Variants in GMPS observed in about 807,000 individuals in gnomAD.
GMPS encodes the protein guanosine monophosphate synthase.
Under a neutral mutation model 77.9 loss-of-function variants are expected in GMPS, and 15 were observed. That is an observed-to-expected ratio of 0.19 (90% CI 0.13 to 0.30). The LOEUF (loss-of-function observed/expected upper bound fraction) is 0.30, where lower values mean the gene tolerates loss of function less well. Among genes scored for constraint, GMPS ranks in the 10% least tolerant of loss-of-function variants. The probability of loss-of-function intolerance (pLI) is 1.00; values close to 1 mark genes in which losing one functional copy is unlikely to be tolerated. For missense variants in GMPS, 590 were observed against 838.8 expected, an observed-to-expected ratio of 0.70 and a Z score of 3.66; for synonymous variants, 224 against 275.9, an observed-to-expected ratio of 0.81 and a Z score of 1.86.
At chr3:155,925,486 C>G in intron 12 of GMPS, 120 bp downstream of exon 12, 1 of 618,264 alleles carries the variant, frequency 1.6e-6, no homozygotes, top group South Asian at 2.7e-5. Flanking sequence ...CTCATTGCAA[C>G]CTCCGCCTCC....
chr3:155,925,572 A>G (rs901804142), intron 12 of GMPS, among the ~76,000 whole-genome samples: 1 of 152,192 alleles, frequency 6.6e-6, no homozygotes, highest in African/African-American at 2.4e-5. Context: ...TATATATACC[A>G]AGTTTAGAGA....
At chr3:155,932,385 G>GA (rs566932908) in intron 13 of GMPS, among the ~76,000 whole-genome samples, 1 of 150,386 alleles carries the variant, frequency 6.6e-6, no homozygotes, top group African/African-American at 2.5e-5. Context: ...TAACCCCAAG[G>GA]AAAAAAATCA....
At chr3:155,902,844 A>G (rs1754764369) in intron 3 of GMPS, among the ~76,000 whole-genome samples, 1 of 152,328 alleles carries the variant, frequency 6.6e-6, no homozygotes, top group African/African-American at 2.4e-5. Flanking sequence ...TGTGCTACAG[A>G]AGAGAGTTTT....
intron 1 of GMPS, among the ~76,000 whole-genome samples, chr3:155,887,380 A>G (rs906545724): frequency 6.6e-6 from 1 of 152,194 alleles, no homozygotes; most frequent in African/African-American, 2.4e-5. Flanking sequence ...TCATATCAAG[A>G]GGAGGCATGA....
In GMPS at chr3:155,889,740, G is replaced by C. The variant is rs181056892; in HGVS notation, c.28-3778G>C. 5.5e-3 allele frequency among the ~76,000 whole-genome samples: 840 copies of C among 152,232 alleles called. 2 individuals are homozygous for C. The highest frequency in any genetic ancestry group is 0.015 in the South Asian group (71 of 4,822). On this transcript the variant is annotated intron_variant, in intron 1 of 15. Transcript: ENST00000496455. Reference sequence around the variant, plus strand: ...TAGATCTTCTTACCCTATTCTTAAAGAGTTTGCTGTATATGGTTTAATTTT... The same window carrying C: ...TAGATCTTCTTACCCTATTCTTAAACAGTTTGCTGTATATGGTTTAATTTT...
chr3:155,906,028 G>C (rs1282521815), intron 4 of GMPS, 132 bp from the exon 5 acceptor site: 1 of 492,722 alleles, frequency 2.0e-6, no homozygotes, highest in African/African-American at 2.0e-5. Context: ...AATTCTAGCA[G>C]TATTCCATTG....
intron 12 of GMPS, among the ~76,000 whole-genome samples, chr3:155,926,585 A>C (rs1270991123): frequency 6.6e-6 from 1 of 151,462 alleles, no homozygotes; most frequent in Non-Finnish European, 1.5e-5. Context: ...ATAATAAAAA[A>C]ATAAAAAATA....
intron 1 of GMPS, among the ~76,000 whole-genome samples, chr3:155,878,701 A>G (rs185194670): frequency 3.0e-4 from 45 of 152,286 alleles, no homozygotes; most frequent in African/African-American, 1.0e-3. Flanking sequence ...ATATAGAGAG[A>G]TATATGAGAG....
intron 3 of GMPS, among the ~76,000 whole-genome samples, chr3:155,899,975 G>A (rs746887823): frequency 6.6e-6 from 1 of 152,090 alleles, no homozygotes; most frequent in African/African-American, 2.4e-5. Context: ...AGGTATCACA[G>A]TTCATTCACT....
chr3:155,899,416 A>G (rs7652005), intron 3 of GMPS, among the ~76,000 whole-genome samples: 58,441 of 147,528 alleles, frequency 0.4, 13,941 homozygotes, highest in Non-Finnish European at 0.52. Context: ...ATCTTGAGAT[A>G]AGATACTCTT....
At chr3:155,879,730 C>CTTTTTTTTTTT (rs58045835) in intron 1 of GMPS, among the ~76,000 whole-genome samples, 1 of 107,630 alleles carries the variant, frequency 9.3e-6, no homozygotes, top group African/African-American at 3.6e-5. Flanking sequence ...CTTTTTTGCC[C>CTTTTTTTTTTT]TTTTTTTTTT....
upstream of GMPS, among the ~76,000 whole-genome samples, chr3:155,869,755 A>G (rs559756072): frequency 6.6e-6 from 1 of 152,332 alleles, no homozygotes; most frequent in South Asian, 2.1e-4. Flanking sequence ...TACCCTAGCT[A>G]CAGTCTGACA....
In GMPS at chr3:155,941,050, A is replaced by G. The variant is rs1031367455; in HGVS notation, c.*3358A>G. 3 of 192,770 alleles carry G rather than the reference A, an allele frequency of 1.6e-5. No individual in the cohort carries two copies. Among genetic ancestry groups the G allele is most frequent in the African/African-American group, 2.3e-5 (1 of 43,058 alleles). 11.9% of individuals were successfully genotyped at this position (192,770 alleles called of 1,614,324 possible). A position where few individuals can be genotyped will look rare whatever the true frequency, so the allele number is the denominator to read the frequency against. Reference sequence around the variant, plus strand: ...TGTTGGGAGCTAGAGCTAGAATCCAAGCTTTCTGATTCTCTGCATGGAAGA... The same window carrying G: ...TGTTGGGAGCTAGAGCTAGAATCCAGGCTTTCTGATTCTCTGCATGGAAGA... On this transcript the variant is annotated 3_prime_UTR_variant, in exon 16 of 16. Transcript: ENST00000496455.
In GMPS at chr3:155,893,287, A is replaced by G. The variant is rs201913792; in HGVS notation, c.28-231A>G. Among the ~76,000 whole-genome samples, 29 of 152,302 alleles carry G rather than the reference A, an allele frequency of 1.9e-4. No homozygotes were observed. In the East Asian group the frequency reaches 2.7e-3, roughly 14 times the overall value. ...TATATACACATGATCACTATATTACATAGTCAATAAGTGGTAAGATTTATT... is the reference window on the plus strand; with the variant it reads ...TATATACACATGATCACTATATTACGTAGTCAATAAGTGGTAAGATTTATT... On this transcript the variant is annotated intron_variant, in intron 1 of 15. Coordinates refer to ENST00000496455, the MANE Select transcript of GMPS (RefSeq NM_003875.3).
At chr3:155,898,527 C>T (rs926120900) in intron 3 of GMPS, among the ~76,000 whole-genome samples, 2 of 152,228 alleles carry the variant, frequency 1.3e-5, no homozygotes, top group South Asian at 4.1e-4. Context: ...TCACATTTCA[C>T]AGTTTGTCTC....
intron 10 of GMPS, among the ~76,000 whole-genome samples, chr3:155,920,053 G>A (rs1303597743): frequency 6.6e-6 from 1 of 152,184 alleles, no homozygotes; most frequent in African/African-American, 2.4e-5. Flanking sequence ...TACTTTCTAT[G>A]TGCTAGGCAC....
At chr3:155,920,357 C>T (rs772348500) in intron 10 of GMPS, among the ~76,000 whole-genome samples, 2 of 151,920 alleles carry the variant, frequency 1.3e-5, no homozygotes, top group Non-Finnish European at 1.5e-5. Flanking sequence ...TGCATGCCGG[C>T]GAAGAATGGT....
upstream of GMPS, among the ~76,000 whole-genome samples, chr3:155,870,327 A>C (rs1753867742): frequency 6.6e-6 from 1 of 152,202 alleles, no homozygotes; most frequent in Non-Finnish European, 1.5e-5. Flanking sequence ...GGCAGCAGCA[A>C]ACTAGCTCGG....
chr3:155,912,096 G>T (rs1755054773), intron 7 of GMPS, among the ~76,000 whole-genome samples: 1 of 152,156 alleles, frequency 6.6e-6, no homozygotes, highest in Non-Finnish European at 1.5e-5. Context: ...ATAATGAAAT[G>T]AGGTCAGTAG....
Sources: allele counts gnomAD v4.1 joint callset (sites outside exome capture counted in the v4.1 genomes callset), GRCh38; gene constraint gnomAD v4.1.1; transcripts MANE v1.5; gene names NCBI Gene and HGNC (gene_info 2026-07-23, HGNC 2026-07-21).